AGFG1: variants seen among roughly 807,000 people sequenced by gnomAD.
The protein encoded by AGFG1 is arf-GAP domain and FG repeat-containing protein 1.
In AGFG1, 10 loss-of-function variants were observed where a neutral mutation model predicts 60.6. The observed-to-expected ratio is 0.16, with a 90% CI of 0.10 to 0.28. The LOEUF is 0.28. AGFG1 is among the 10% of genes least tolerant of loss of function. The probability of loss-of-function intolerance (pLI) is 1.00; values close to 1 mark genes in which losing one functional copy is unlikely to be tolerated. For synonymous variants in AGFG1, 247 were observed against 242.9 expected (o/e 1.02, Z -0.16); for missense variants, 537 against 676.5 (o/e 0.79, Z 2.29).
intron 2 of AGFG1, among the ~76,000 whole-genome samples, chr2:227,513,048 G>A (rs1450921708): frequency 6.6e-6 from 1 of 152,158 alleles, no homozygotes; most frequent in East Asian, 1.9e-4. Context: ...TGAAAATAAG[G>A]TTTTCTCCAA....
chr2:227,496,452 A>AT (rs1219023817), intron 2 of AGFG1, among the ~76,000 whole-genome samples: 4 of 151,346 alleles, frequency 2.6e-5, no homozygotes, highest in South Asian at 2.1e-4. Context: ...AAAAAAAAAA[A>AT]ATAAATAAAA....
chr2:227,493,972 G>C (rs907725876), intron 2 of AGFG1, among the ~76,000 whole-genome samples: 10 of 152,124 alleles, frequency 6.6e-5, no homozygotes, highest in African/African-American at 2.4e-4. Context: ...CACTGAAGAT[G>C]GAGCAAACAG....
chr2:227,497,761 T>TTTTTTTG lies in AGFG1; in HGVS notation c.261+6121_261+6122insTTTTTTG, dbSNP rs546987888. Among the ~76,000 whole-genome samples, 464 of 65,126 alleles carry TTTTTTTG rather than the reference T, an allele frequency of 7.1e-3. 30 individuals are homozygous for TTTTTTTG. Among genetic ancestry groups the TTTTTTTG allele is most frequent in the Non-Finnish European group, 0.012 (353 of 29,924 alleles). The allele number at this position is 65,126 out of a possible 152,430, so 42.7% of individuals were successfully genotyped here. ...TTTTTTTTTTTTTTTTTTTTTTTTT[T>TTTTTTTG]GGGGACGGAGTCTTACTCTGTCGCC... On this transcript the variant is annotated intron_variant, in intron 2 of 12. Coordinates refer to ENST00000310078, the MANE Select transcript of AGFG1 (RefSeq NM_004504.5).
rs1026161421 is a variant in AGFG1 at position 227,557,108 on chromosome 2, T to C, written c.*2613T>C. ...AAAAAGGAGAAAAAATCCTGGAAGG[T>C]AACAAGGCTGAAGACCTTCAAATTT... is the stretch of plus-strand genomic sequence containing the variant. On this transcript the variant is annotated 3_prime_UTR_variant, in exon 13 of 13. Transcript: ENST00000310078. 1.3e-5 allele frequency: 2 copies of C among 152,142 alleles called. No homozygotes were observed. Among genetic ancestry groups the C allele is most frequent in the African/African-American group, 4.8e-5 (2 of 41,444 alleles). 9.4% of individuals were successfully genotyped at this position (152,142 alleles called of 1,614,324 possible). A position where few individuals can be genotyped will look rare whatever the true frequency, so the allele number is the denominator to read the frequency against.
At chr2:227,495,239 C>G (rs1199300832) in intron 2 of AGFG1, among the ~76,000 whole-genome samples, 2 of 151,882 alleles carry the variant, frequency 1.3e-5, no homozygotes, top group Non-Finnish European at 2.9e-5. Context: ...TTGTATCATA[C>G]AGTTACTTTA....
chr2:227,523,672 A>AC, intron 3 of AGFG1, 91 bp from the exon 4 acceptor site: 1 of 1,265,170 alleles, frequency 7.9e-7, no homozygotes, highest in Non-Finnish European at 1.1e-6. Flanking sequence ...ATGGTGAAAC[A>AC]ATCTTGTACA....
chr2:227,521,594 A>T (rs1691828806), intron 3 of AGFG1, among the ~76,000 whole-genome samples: 1 of 152,234 alleles, frequency 6.6e-6, no homozygotes, highest in South Asian at 2.1e-4. Context: ...TTTCCTAGAC[A>T]TTCTACCCTG....
intron 5 of AGFG1, among the ~76,000 whole-genome samples, chr2:227,527,228 C>G (rs1464182038): frequency 1.3e-5 from 2 of 151,790 alleles, no homozygotes; most frequent in Admixed American, 6.6e-5. Context: ...TCTAAGTTTT[C>G]TATTCTATAA....
intron 2 of AGFG1, among the ~76,000 whole-genome samples, chr2:227,492,053 T>C (rs1373219738): frequency 6.6e-6 from 1 of 152,150 alleles, no homozygotes; most frequent in African/African-American, 2.4e-5. Context: ...TTTTTAACTT[T>C]GGACGTGTAG....
chr2:227,495,754 T>G (rs774168761), intron 2 of AGFG1, among the ~76,000 whole-genome samples: 2 of 152,012 alleles, frequency 1.3e-5, no homozygotes, highest in South Asian at 4.1e-4. Flanking sequence ...ATGTATAGTT[T>G]ATGTTTTCTA....
rs143574907 is a variant in AGFG1, at chr2:227,541,990, C to G, written c.1378+4997C>G. ...ATGGGAGTTCACTCATGATTTGGCT[C>G]TCTGTCTGTTATTGGTGTATAGGAA... On this transcript the variant is annotated intron_variant, in intron 10 of 12. Coordinates refer to ENST00000310078, the MANE Select transcript of AGFG1 (RefSeq NM_004504.5). Among the ~76,000 whole-genome samples the G allele has an allele frequency of 9.5e-3, 1,440 of 152,234 alleles. 14 individuals are homozygous for G. Among genetic ancestry groups the G allele is most frequent in the Middle Eastern group, 0.017 (5 of 292 alleles).
At chr2:227,532,443 T>G (rs1280310337) in intron 6 of AGFG1, among the ~76,000 whole-genome samples, 1 of 152,184 alleles carries the variant, frequency 6.6e-6, no homozygotes, top group Admixed American at 6.5e-5. Flanking sequence ...TTTGAAAGTT[T>G]AGTATGTACT....
intron 2 of AGFG1, among the ~76,000 whole-genome samples, chr2:227,518,908 C>T (rs1691738950): frequency 6.6e-6 from 1 of 152,132 alleles, no homozygotes; most frequent in African/African-American, 2.4e-5. Context: ...CATGGTGGCT[C>T]GCGCCTGTAA....
chr2:227,560,849 G>T lies in AGFG1; in HGVS notation c.*6354G>T, dbSNP rs1693118264. ...TGTCTTTGCTGTTAGTCAAGCACAGGATTTGTTTTCTGCAAAAGTTTATTT... is the reference window on the plus strand; with the variant it reads ...TGTCTTTGCTGTTAGTCAAGCACAGTATTTGTTTTCTGCAAAAGTTTATTT... On this transcript the variant is annotated 3_prime_UTR_variant, in exon 13 of 13. Coordinates refer to ENST00000310078, the MANE Select transcript of AGFG1 (RefSeq NM_004504.5). 1 of 152,074 alleles carries T rather than the reference G, an allele frequency of 6.6e-6. No individual in the cohort carries two copies. Among genetic ancestry groups the T allele is most frequent in the Non-Finnish European group, 1.5e-5 (1 of 67,970 alleles). The allele number at this position is 152,074 out of a possible 1,614,324, so 9.4% of individuals were successfully genotyped here. A position where few individuals can be genotyped will look rare whatever the true frequency, so the allele number is the denominator to read the frequency against.
chr2:227,496,666 A>G (rs1318251715), intron 2 of AGFG1, among the ~76,000 whole-genome samples: 2 of 152,212 alleles, frequency 1.3e-5, no homozygotes, highest in Admixed American at 6.5e-5. Context: ...GGTAGTAACT[A>G]TAATACCTAT....
At chr2:227,511,704 C>T (rs1691502195) in intron 2 of AGFG1, among the ~76,000 whole-genome samples, 1 of 152,204 alleles carries the variant, frequency 6.6e-6, no homozygotes, top group Non-Finnish European at 1.5e-5. Context: ...TGCTTTCACT[C>T]ATACACCAGG....
intron 2 of AGFG1, among the ~76,000 whole-genome samples, chr2:227,516,066 C>CCT (rs1340279814): frequency 6.6e-6 from 1 of 152,116 alleles, no homozygotes; most frequent in African/African-American, 2.4e-5. Context: ...TCTCTCTTTC[C>CCT]CTCTCTCTCT....
intron 1 of AGFG1, among the ~76,000 whole-genome samples, chr2:227,478,880 A>G (rs1270784663): frequency 1.3e-5 from 2 of 152,186 alleles, no homozygotes; most frequent in African/African-American, 4.8e-5. Flanking sequence ...AGCTTATCCT[A>G]GTGACTTGTT....
At position 227,560,975 on chromosome 2, in the gene AGFG1, A is replaced by G. The variant is rs988103915; in HGVS notation, c.*6480A>G. On this transcript the variant is annotated 3_prime_UTR_variant, in exon 13 of 13. Coordinates refer to ENST00000310078, the MANE Select transcript of AGFG1 (RefSeq NM_004504.5). ...AAACTTACTGGGAAGTTCAAAAGAAAGAATAACAGGACCTTCTAGTCAGCA... is the reference window on the plus strand; with the variant it reads ...AAACTTACTGGGAAGTTCAAAAGAAGGAATAACAGGACCTTCTAGTCAGCA... 2 of 152,210 alleles carry G rather than the reference A, an allele frequency of 1.3e-5. No homozygotes were observed. The highest frequency in any genetic ancestry group is 4.8e-5 in the African/African-American group (2 of 41,458). The allele number at this position is 152,210 out of a possible 1,614,324, so 9.4% of individuals were successfully genotyped here. A position where few individuals can be genotyped will look rare whatever the true frequency, so the allele number is the denominator to read the frequency against.
Sources: allele counts gnomAD v4.1 joint callset (sites outside exome capture counted in the v4.1 genomes callset), GRCh38; gene constraint gnomAD v4.1.1; transcripts MANE v1.5; gene names NCBI Gene and HGNC (gene_info 2026-07-23, HGNC 2026-07-21).